SLC39A12: variants seen among roughly 807,000 people sequenced by gnomAD.
The protein encoded by SLC39A12 is zinc transporter ZIP12.
A neutral mutation model predicts 71.1 loss-of-function variants in SLC39A12; 63 were observed. The ratio of observed to expected loss-of-function variants is 0.89; its 90% CI spans 0.72 to 1.09. SLC39A12 has a LOEUF of 1.09. Among genes scored for constraint, SLC39A12 ranks in the 50% least tolerant of loss-of-function variants. The pLI, the probability that SLC39A12 is intolerant of heterozygous loss-of-function variation, is 0.00. For synonymous variants in SLC39A12, 351 were observed against 301.3 expected (o/e 1.16, Z -1.71); for missense variants, 892 against 812.6 (o/e 1.10, Z -1.19).
intron 1 of SLC39A12, among the ~76,000 whole-genome samples, chr10:17,952,765 G>A (rs1834436629): frequency 6.6e-6 from 1 of 152,174 alleles, no homozygotes; most frequent in Non-Finnish European, 1.5e-5. Flanking sequence ...GGGATTACTG[G>A]TGTGAGCTAC....
intron 12 of SLC39A12, among the ~76,000 whole-genome samples, chr10:18,004,559 G>T (rs571962627): frequency 3.9e-5 from 6 of 152,250 alleles, no homozygotes; most frequent in Admixed American, 3.3e-4. Context: ...CCACTCTAAG[G>T]CTCCTGAGTT....
At chr10:17,994,403 A>C (rs149614520) in intron 9 of SLC39A12, among the ~76,000 whole-genome samples, 2 of 147,258 alleles carry the variant, frequency 1.4e-5, no homozygotes, top group Admixed American at 7.0e-5. Context: ...TTGTTTTTTC[A>C]AGAAACTCGA....
At chr10:17,997,381 A>G (rs1257634433) in intron 10 of SLC39A12, among the ~76,000 whole-genome samples, 1 of 152,226 alleles carries the variant, frequency 6.6e-6, no homozygotes, top group African/African-American at 2.4e-5. Flanking sequence ...ATGTAATTAC[A>G]TATTTTGTCC....
intron 12 of SLC39A12, among the ~76,000 whole-genome samples, chr10:18,007,657 T>C (rs558888070): frequency 1.3e-5 from 2 of 152,358 alleles, no homozygotes; most frequent in African/African-American, 4.8e-5. Context: ...AAACAAGGGT[T>C]GGATTATTCA....
intron 10 of SLC39A12, 114 bp downstream of exon 10, chr10:17,995,836 A>T (rs1835670040): frequency 1.1e-6 from 1 of 872,838 alleles, no homozygotes; most frequent in Non-Finnish European, 1.7e-6. Flanking sequence ...GTAGTTTATT[A>T]TGAAAAACTT....
At chr10:18,033,150 T>C (rs996344277) in intron 12 of SLC39A12, among the ~76,000 whole-genome samples, 3 of 140,090 alleles carry the variant, frequency 2.1e-5, no homozygotes, top group African/African-American at 5.4e-5. Context: ...GGTATCAGAA[T>C]GATGCTGGCC....
intron 5 of SLC39A12, among the ~76,000 whole-genome samples, chr10:17,979,302 C>A (rs1261407212): frequency 6.6e-6 from 1 of 152,154 alleles, no homozygotes; most frequent in African/African-American, 2.4e-5. Flanking sequence ...ACAAGAGCAG[C>A]AAGCGAAGAC....
At chr10:17,999,903 G>A (rs1372876431) in intron 10 of SLC39A12, among the ~76,000 whole-genome samples, 2 of 152,128 alleles carry the variant, frequency 1.3e-5, no homozygotes, top group Non-Finnish European at 2.9e-5. Context: ...AAAGCACACT[G>A]CCCTAGATTG....
intron 12 of SLC39A12, among the ~76,000 whole-genome samples, chr10:18,007,687 C>T (rs1836070156): frequency 6.6e-6 from 1 of 152,048 alleles, no homozygotes; most frequent in Non-Finnish European, 1.5e-5. Flanking sequence ...CTTTTTAGAC[C>T]ATATGGGGTA....
chr10:17,989,182 A>G (rs1428268369), intron 7 of SLC39A12, among the ~76,000 whole-genome samples: 2 of 152,196 alleles, frequency 1.3e-5, no homozygotes, highest in South Asian at 2.1e-4. Flanking sequence ...TGGTGGACCA[A>G]TGATCCCCAC....
intron 12 of SLC39A12, among the ~76,000 whole-genome samples, chr10:18,007,436 T>C (rs909968517): frequency 5.3e-5 from 8 of 152,126 alleles, no homozygotes; most frequent in Non-Finnish European, 8.8e-5. Context: ...TAACTCCTCA[T>C]GGTAACTGTT....
At chr10:18,042,592 GA>G in intron 12 of SLC39A12, 112 bp from the exon 13 acceptor site, 2 of 1,059,854 alleles carry the variant, frequency 1.9e-6, no homozygotes, top group Non-Finnish European at 2.6e-6. Context: ...ACTGTTTTGG[GA>G]ATTTTAAAGG....
intron 12 of SLC39A12, among the ~76,000 whole-genome samples, chr10:18,039,618 C>A (rs1837163357): frequency 6.6e-6 from 1 of 152,032 alleles, no homozygotes. Flanking sequence ...GTCTTAGCTA[C>A]CCAGGAGGCT....
chr10:17,981,573 C>T, intron 6 of SLC39A12, 90 bp downstream of exon 6: 3 of 1,026,124 alleles, frequency 2.9e-6, no homozygotes, highest in South Asian at 4.3e-5. Flanking sequence ...ATACCAGGCT[C>T]TGTTGTAAAC....
Position 18,003,272 on chromosome 10 carries a change from C to T in SLC39A12, c.1861C>T (p.Leu621Phe). Reference protein sequence around the residue: ...LTAFMGLYIGLSVSADPCVQD... With the variant: ...LTAFMGLYIGFSVSADPCVQD... Reference sequence around the variant, plus strand: ...TGCCTTCATGGGATTATACATTGGCCTTTCCGTGTCAGCTGATCCATGTGT... The same window carrying T: ...TGCCTTCATGGGATTATACATTGGCTTTTCCGTGTCAGCTGATCCATGTGT... Residue 621 changes from leucine (L) to phenylalanine (F), a missense_variant, in exon 12 of 13, where the codon CTT (leucine) becomes TTT (phenylalanine). By Grantham distance (22) the Leu-to-Phe change is conservative. Transcript: ENST00000377369. 1.2e-6 allele frequency: 2 copies of T among 1,614,064 alleles called. No homozygotes were observed. Among genetic ancestry groups the T allele is most frequent in the Non-Finnish European group, 1.7e-6 (2 of 1,179,996 alleles).
intron 4 of SLC39A12, among the ~76,000 whole-genome samples, chr10:17,971,302 T>TCCCC (rs1834969453): frequency 1.3e-5 from 1 of 79,404 alleles, no homozygotes; most frequent in African/African-American, 5.1e-5. Flanking sequence ...CTCCCCTTCC[T>TCCCC]TTCCTGATGT....
rs1836728279 is a variant in SLC39A12 at position 18,028,058 on chromosome 10, G to A, written c.1948-14647G>A. Among the ~76,000 whole-genome samples, 3 of 152,148 alleles carry A rather than the reference G, an allele frequency of 2.0e-5. No homozygotes were observed. In the South Asian group the frequency reaches 6.2e-4, roughly 32 times the overall value. On this transcript the variant is annotated intron_variant, in intron 12 of 12. Transcript: ENST00000377369. The stretch of plus-strand genomic sequence containing the variant: ...AATGCAAATGTATACCTGCCTCCGT[G>A]TGCACAGTGACTTTTAGGATCCCTC...
chr10:18,009,344 G>C (rs570641241), intron 12 of SLC39A12, among the ~76,000 whole-genome samples: 18 of 152,238 alleles, frequency 1.2e-4, no homozygotes, highest in African/African-American at 4.3e-4. Context: ...AATGGAGAAG[G>C]AAGTACCTGT....
intron 12 of SLC39A12, among the ~76,000 whole-genome samples, chr10:18,012,012 A>G (rs954038951): frequency 4.6e-5 from 7 of 152,214 alleles, no homozygotes; most frequent in African/African-American, 1.7e-4. Flanking sequence ...TTGAATAACA[A>G]GGAAGGTTAA....
Sources: gnomAD v4.1 joint callset for allele counts (sites outside exome capture counted in the v4.1 genomes callset) on GRCh38, gnomAD v4.1.1 for gene constraint, MANE v1.5 for transcripts, NCBI Gene and HGNC (gene_info 2026-07-23, HGNC 2026-07-21) for gene names.